Variants in SUFU observed in about 807,000 individuals in gnomAD.
SUFU encodes suppressor of fused homolog.
In SUFU, 7 loss-of-function variants were observed where a neutral mutation model predicts 58.9. The ratio of observed to expected loss-of-function variants is 0.12; its 90% confidence interval spans 0.07 to 0.22. The LOEUF is 0.22. Among genes scored for constraint, SUFU ranks in the 10% least tolerant of loss-of-function variants. The pLI is 1.00. For synonymous variants in SUFU, 232 were observed against 254.8 expected, an observed-to-expected ratio of 0.91 and a Z score of 0.85; for missense variants, 451 against 641.3, an observed-to-expected ratio of 0.70 and a Z score of 3.20.
intron 1 of SUFU, among the ~76,000 whole-genome samples, chr10:102,505,955 A>G (rs2062320205): frequency 6.8e-6 from 1 of 147,588 alleles, no homozygotes; most frequent in African/African-American, 2.5e-5. Flanking sequence ...TATTCCCACC[A>G]CTTTGGGAGG....
At chr10:102,545,675 C>G (rs2062848047) in intron 2 of SUFU, among the ~76,000 whole-genome samples, 1 of 152,078 alleles carries the variant, frequency 6.6e-6, no homozygotes, top group Non-Finnish European at 1.5e-5. Context: ...TTTGCATTTC[C>G]TTAGTAATAA....
chr10:102,504,444 C>T (rs2135599445), intron 1 of SUFU, 110 bp downstream of exon 1: 1 of 1,537,892 alleles, frequency 6.5e-7, no homozygotes, highest in Non-Finnish European at 8.8e-7. Flanking sequence ...ATGGTTAAAG[C>T]ACTCAGAAGG....
intron 2 of SUFU, among the ~76,000 whole-genome samples, chr10:102,511,049 A>T (rs567481404): frequency 3.6e-4 from 54 of 150,884 alleles, no homozygotes; most frequent in South Asian, 2.1e-3. Flanking sequence ...TGAACCTGGG[A>T]GGAGTAGGTT....
rs571428072 is a variant in SUFU, at chr10:102,563,607, G to A, written c.454+13501G>A. ...GGATAGATTGAGTCCGGGAGGTTGA[G>A]GCTGCAGTGAGCCAGGATCATGCCA... On this transcript the variant is annotated intron_variant, in intron 3 of 11. Coordinates refer to ENST00000369902, the MANE Select transcript of SUFU (RefSeq NM_016169.4). 4.6e-5 allele frequency among the ~76,000 whole-genome samples: 7 copies of A among 152,108 alleles called. 1 individual carries two copies. The highest frequency in any genetic ancestry group is 1.7e-4 in the African/African-American group (7 of 41,488).
intron 2 of SUFU, among the ~76,000 whole-genome samples, chr10:102,548,230 G>T (rs1430454814): frequency 6.6e-6 from 1 of 152,200 alleles, no homozygotes; most frequent in African/African-American, 2.4e-5. Context: ...GATCATGATG[G>T]TTTCTAATGA....
intron 2 of SUFU, among the ~76,000 whole-genome samples, chr10:102,547,855 G>GAGAA (rs761920315): frequency 6.6e-6 from 1 of 151,856 alleles, no homozygotes; most frequent in East Asian, 1.9e-4. Flanking sequence ...GAAAGAAAGA[G>GAGAA]AGAAAGAAAG....
chr10:102,616,399 G>A (rs540008760), intron 9 of SUFU, among the ~76,000 whole-genome samples: 12 of 152,350 alleles, frequency 7.9e-5, no homozygotes, highest in Admixed American at 7.2e-4. Context: ...CAGCACCTGG[G>A]AGTGAGTTTG....
At chr10:102,585,215 C>T (rs1197808605) in intron 3 of SUFU, among the ~76,000 whole-genome samples, 1 of 152,200 alleles carries the variant, frequency 6.6e-6, no homozygotes, top group African/African-American at 2.4e-5. Flanking sequence ...AAAAGAACCT[C>T]ATATTGGTCA....
intron 8 of SUFU, among the ~76,000 whole-genome samples, chr10:102,603,754 A>G (rs2063536918): frequency 6.6e-6 from 1 of 151,910 alleles, no homozygotes; most frequent in South Asian, 2.1e-4. Context: ...ATTTCTCTCT[A>G]CTCTTAGGAG....
In SUFU at chr10:102,630,905, C is replaced by T. The variant is rs1289739418; in HGVS notation, c.*750C>T. 6 of 235,290 alleles carry T rather than the reference C, an allele frequency of 2.6e-5. 1 individual carries two copies. In the South Asian group the frequency reaches 5.3e-4, roughly 21 times the overall value. The allele number at this position is 235,290 out of a possible 1,614,324, so 14.6% of individuals were successfully genotyped here. A position where few individuals can be genotyped will look rare whatever the true frequency, so the allele number is the denominator to read the frequency against. On this transcript the variant is annotated 3_prime_UTR_variant, in exon 12 of 12. Coordinates refer to ENST00000369902, the MANE Select transcript of SUFU (RefSeq NM_016169.4). ...CTTCCCAGCTGGGCCTGGTGGAGCC[C>T]GGGGCAGGGGGAGAGTAGAGACACT... is the stretch of plus-strand genomic sequence containing the variant.
At chr10:102,551,051 C>G (rs2062909350) in intron 3 of SUFU, among the ~76,000 whole-genome samples, 1 of 152,076 alleles carries the variant, frequency 6.6e-6, no homozygotes, top group Non-Finnish European at 1.5e-5. Context: ...CCAGTGACTT[C>G]TTTTTTTAAA....
intron 6 of SUFU, among the ~76,000 whole-genome samples, chr10:102,596,798 C>T (rs2063466805): frequency 1.3e-5 from 2 of 152,180 alleles, no homozygotes; most frequent in Non-Finnish European, 2.9e-5. Flanking sequence ...GCCACATCAG[C>T]CCCACCAGCC....
At chr10:102,521,108 A>G (rs182822145) in intron 2 of SUFU, among the ~76,000 whole-genome samples, 3 of 152,174 alleles carry the variant, frequency 2.0e-5, no homozygotes, top group African/African-American at 7.2e-5. Context: ...GAGAGTTCCT[A>G]TTGTTTCATG....
intron 3 of SUFU, chr10:102,590,896 A>C (rs201136716): frequency 6.6e-6 from 1 of 152,156 alleles, no homozygotes; most frequent in East Asian, 1.9e-4. Flanking sequence ...TTGGAAATTT[A>C]GGGGTTTCTA....
chr10:102,593,089 T>A (rs1324768997), intron 4 of SUFU, among the ~76,000 whole-genome samples: 1 of 152,204 alleles, frequency 6.6e-6, no homozygotes, highest in Admixed American at 6.5e-5. Context: ...CCTGCCCAGC[T>A]TTGACCAGTG....
rs574078065 is a variant in SUFU, at chr10:102,527,817, C to T, written c.317+18514C>T. Among the ~76,000 whole-genome samples, 81 of 152,286 alleles carry T rather than the reference C, an allele frequency of 5.3e-4. 1 individual carries two copies. The highest frequency in any genetic ancestry group is 1.9e-3 in the African/African-American group (81 of 41,576). Reference sequence around the variant, plus strand: ...TAGGTTTCTTGATCTTCTGGGATGGCTGGCTTCCCAGAGTTCTGGAGGAGA... The same window carrying T: ...TAGGTTTCTTGATCTTCTGGGATGGTTGGCTTCCCAGAGTTCTGGAGGAGA... On this transcript the variant is annotated intron_variant, in intron 2 of 11. Coordinates refer to ENST00000369902, the MANE Select transcript of SUFU (RefSeq NM_016169.4).
At chr10:102,591,225 G>A (rs1427974999) in intron 3 of SUFU, among the ~76,000 whole-genome samples, 1 of 152,220 alleles carries the variant, frequency 6.6e-6, no homozygotes, top group Non-Finnish European at 1.5e-5. Context: ...TCTCTGCTGG[G>A]TGCTGTGGCT....
chr10:102,558,629 C>T (rs1214330034), intron 3 of SUFU, among the ~76,000 whole-genome samples: 1 of 152,216 alleles, frequency 6.6e-6, no homozygotes, highest in African/African-American at 2.4e-5. Flanking sequence ...CCAGGATTTA[C>T]GTTGAAAGTC....
intron 8 of SUFU, among the ~76,000 whole-genome samples, chr10:102,608,255 G>A (rs986826633): frequency 1.3e-5 from 2 of 152,114 alleles, no homozygotes; most frequent in South Asian, 2.1e-4. Context: ...AGGAAAATGC[G>A]AAAGAATCAT....
Sources: allele counts gnomAD v4.1 joint callset (sites outside exome capture counted in the v4.1 genomes callset), GRCh38; gene constraint gnomAD v4.1.1; transcripts MANE v1.5; gene names NCBI Gene and HGNC (gene_info 2026-07-23, HGNC 2026-07-21).